The following MGARP variants were observed in gnomAD, a reference collection of about 807,000 sequenced individuals.
The protein encoded by MGARP is mitochondria localized glutamic acid rich protein, also known as protein MGARP.
In MGARP, 12 loss-of-function variants were observed where a neutral mutation model predicts 11.0. The observed-to-expected ratio is 1.09, with a 90% CI of 0.70 to 1.77. The LOEUF is 1.77. Ranked by LOEUF, MGARP falls within the 40% of genes most tolerant of loss-of-function variation. MGARP has a pLI of 0.00. For synonymous variants in MGARP, 110 were observed against 115.4 expected (o/e 0.95, Z 0.30); for missense variants, 283 against 297.8 (o/e 0.95, Z 0.36).
chr4:139,276,116 A>C (rs1031108962), intron 1 of MGARP, among the ~76,000 whole-genome samples: 1 of 152,226 alleles, frequency 6.6e-6, no homozygotes, highest in Non-Finnish European at 1.5e-5. Context: ...CAATAAACTT[A>C]AAGTCGGAAG....
At chr4:139,267,173 A>C in intron 3 of MGARP, 132 bp from the exon 4 acceptor site, 7 of 892,172 alleles carry the variant, frequency 7.8e-6, no homozygotes, top group Non-Finnish European at 1.0e-5. Context: ...GTAGACTCTC[A>C]AGTGAAACAG....
intron 1 of MGARP, among the ~76,000 whole-genome samples, chr4:139,277,686 T>C (rs986265350): frequency 4.6e-5 from 7 of 151,872 alleles, no homozygotes; most frequent in African/African-American, 1.7e-4. Context: ...TTTACTTACA[T>C]GAGAAAATAT....
At chr4:139,277,339 GA>G (rs869225800) in intron 1 of MGARP, among the ~76,000 whole-genome samples, 3 of 152,192 alleles carry the variant, frequency 2.0e-5, no homozygotes, top group East Asian at 1.9e-4. Context: ...CCGTTTCTTG[GA>G]AAAAAATTTT....
Position 139,280,217 on chromosome 4 carries a change from A to G in MGARP, c.-59T>C. The G allele has an allele frequency of 2.7e-6, 4 of 1,497,650 alleles. No individual in the cohort carries two copies. Among genetic ancestry groups the G allele is most frequent in the Non-Finnish European group, 3.6e-6 (4 of 1,112,076 alleles). 92.8% of individuals were successfully genotyped at this position (1,497,650 alleles called of 1,614,324 possible). The stretch of plus-strand genomic sequence containing the variant: ...ACCCAGGCGCAGGCTGCCCTTCCAC[A>G]GAGAGGCTGAGAGCCTGGCAGCGCC... On this transcript the variant is annotated 5_prime_UTR_variant, in exon 1 of 4. Transcript: ENST00000398955.
intron 2 of MGARP, among the ~76,000 whole-genome samples, chr4:139,273,687 G>A (rs1380588101): frequency 6.6e-6 from 1 of 151,438 alleles, no homozygotes; most frequent in Non-Finnish European, 1.5e-5. Flanking sequence ...GCTCATTTTT[G>A]TATTTTAGCA....
chr4:139,279,007 C>T (rs569793379), intron 1 of MGARP, among the ~76,000 whole-genome samples: 29 of 152,172 alleles, frequency 1.9e-4, no homozygotes, highest in Non-Finnish European at 4.0e-4. Flanking sequence ...ACATCTTTCT[C>T]TCCTGCTGGA....
At chr4:139,268,558 T>C in intron 3 of MGARP, 114 bp downstream of exon 3, 2 of 662,192 alleles carry the variant, frequency 3.0e-6, no homozygotes, top group Non-Finnish European at 4.9e-6. Flanking sequence ...AGAGTCATTC[T>C]GGATTAAGCT....
chr4:139,275,494 C>A, intron 1 of MGARP, 102 bp from the exon 2 acceptor site: 2 of 806,356 alleles, frequency 2.5e-6, no homozygotes, highest in Non-Finnish European at 4.0e-6. Context: ...AACCTAGAAT[C>A]TATTAACATC....
chr4:139,275,993 A>G (rs1744863492), intron 1 of MGARP, among the ~76,000 whole-genome samples: 1 of 152,198 alleles, frequency 6.6e-6, no homozygotes, highest in Non-Finnish European at 1.5e-5. Flanking sequence ...TAGAAGTACA[A>G]TTCTGTATAA....
rs1744708024 is a variant in MGARP, at chr4:139,266,951, TC to T, written c.370del (p.Glu124LysfsTer10). ...IVEAEVVDAE[E>X]SPSATVVVIK... ...GACCACAACTGTAGCACTGGGACTT[TC>T]TTCAGCATCTACCACCTCAGCTTCC... is the stretch of plus-strand genomic sequence containing the variant. On this transcript the variant is annotated frameshift_variant, in exon 4 of 4. Transcript: ENST00000398955. LOFTEE classifies it low-confidence loss of function (END_TRUNC). 6.2e-7 allele frequency: 1 copy of T among 1,614,220 alleles called. No homozygotes were observed. The highest frequency in any genetic ancestry group is 8.5e-7 in the Non-Finnish European group (1 of 1,180,028).
intron 2 of MGARP, among the ~76,000 whole-genome samples, chr4:139,273,918 T>G (rs1252984312): frequency 6.6e-6 from 1 of 152,244 alleles, no homozygotes; most frequent in Non-Finnish European, 1.5e-5. Context: ...TCTGTCATTT[T>G]AGTCCCAAAA....
chr4:139,275,393 C>A lies in MGARP; in HGVS notation c.83-1G>T, dbSNP rs867689214. The A allele has an allele frequency of 9.3e-6, 15 of 1,608,226 alleles. No individual in the cohort carries two copies. The highest frequency in any genetic ancestry group is 1.3e-5 in the Non-Finnish European group (15 of 1,177,998). ...TTAGATGACATCCGGCGCAGAGATG[C>A]TAGGAAAAAAATGTTTAAACACAGT... is the stretch of plus-strand genomic sequence containing the variant. On this transcript the variant is annotated splice_acceptor_variant, in intron 1 of 3. Transcript: ENST00000398955. LOFTEE classifies it high-confidence loss of function.
chr4:139,273,791 G>T (rs1454357611), intron 2 of MGARP, among the ~76,000 whole-genome samples: 5 of 152,120 alleles, frequency 3.3e-5, no homozygotes, highest in Non-Finnish European at 5.9e-5. Context: ...TGAGATTACA[G>T]GCGTGAGCCA....
Position 139,266,699 on chromosome 4 carries a change from A to T in MGARP, c.623T>A (p.Leu208Gln). 1 of 1,614,064 alleles carries T rather than the reference A, an allele frequency of 6.2e-7. No individual in the cohort carries two copies. Among genetic ancestry groups the T allele is most frequent in the South Asian group, 1.1e-5 (1 of 91,080 alleles). The change falls in exon 4 of 4, where the codon CTA (leucine) becomes CAA (glutamine). Residue 208 changes from leucine (L) to glutamine (Q), a missense_variant. Physicochemically the swap from Leu to Gln is moderately radical, Grantham distance 113. Coordinates refer to ENST00000398955, the MANE Select transcript of MGARP (RefSeq NM_032623.4). The part of the protein sequence containing the change: ...KNETSDEYAE[L>Q]EEENSPAESE... ...CTCAGCTGGAGAATTTTCTTCTTCT[A>T]GTTCAGCATATTCATCAGAGGTTTC... is the stretch of plus-strand genomic sequence containing the variant.
At position 139,275,335 on chromosome 4, in the gene MGARP, A is replaced by G. The variant is rs773005283; in HGVS notation, c.140T>C (p.Ile47Thr). The change falls in exon 2 of 4, where the codon ATT becomes ACT. Residue 47 changes from isoleucine to threonine, a missense_variant. Physicochemically the swap from Ile to Thr is moderately conservative, Grantham distance 89. Coordinates refer to ENST00000398955, the MANE Select transcript of MGARP (RefSeq NM_032623.4). ...RFPGSSGSNM[I>T]YYLVVGVTVS... ...TGTGACGCCTACAACCAGATAATAA[A>G]TCATATTTGATCCAGATGATCCAGG... The G allele has an allele frequency of 1.8e-5, 29 of 1,613,964 alleles. No individual in the cohort carries two copies. Among genetic ancestry groups the G allele is most frequent in the Non-Finnish European group, 2.3e-5 (27 of 1,179,986 alleles).
chr4:139,269,751 T>C (rs1360503750), intron 2 of MGARP, among the ~76,000 whole-genome samples: 1 of 152,108 alleles, frequency 6.6e-6, no homozygotes, highest in Non-Finnish European at 1.5e-5. Context: ...TTCTTTGGCC[T>C]GTATTCATAT....
In MGARP at chr4:139,276,145, A is replaced by G. The variant is rs143485255; in HGVS notation, c.83-753T>C. Among the ~76,000 whole-genome samples the G allele has an allele frequency of 5.9e-5, 9 of 152,320 alleles. No homozygotes were observed. In the East Asian group the frequency reaches 1.5e-3, roughly 26 times the overall value. ...TCGGAAGGAGCTTAAAGTATATACA[A>G]CTCAAATTCTTTATTTTAAAAATAA... On this transcript the variant is annotated intron_variant, in intron 1 of 3. Transcript: ENST00000398955.
In MGARP at chr4:139,266,961, C is replaced by T. The variant is rs367919742; in HGVS notation, c.361G>A (p.Asp121Asn). The T allele has an allele frequency of 1.3e-5, 21 of 1,614,110 alleles. No homozygotes were observed. In the East Asian group the frequency reaches 3.8e-4, roughly 29 times the overall value. Residue 121 changes from aspartate to asparagine, a missense_variant, in exon 4 of 4, where the codon GAT becomes AAT. Physicochemically the swap from Asp to Asn is conservative, Grantham distance 23 (BLOSUM62 1). Coordinates refer to ENST00000398955, the MANE Select transcript of MGARP (RefSeq NM_032623.4). ...EELIVEAEVVDAEESPSATVV... is the reference protein window; with the variant it reads ...EELIVEAEVVNAEESPSATVV... The stretch of plus-strand genomic sequence containing the variant: ...GTAGCACTGGGACTTTCTTCAGCAT[C>T]TACCACCTCAGCTTCCACTATAAGT...
chr4:139,275,386 A>G lies in MGARP; in HGVS notation c.89T>C (p.Leu30Pro), dbSNP rs1369413695. The G allele has an allele frequency of 6.2e-7, 1 of 1,612,502 alleles. No homozygotes were observed. The highest frequency in any genetic ancestry group is 2.2e-5 in the East Asian group (1 of 44,882). ...GAATCTGTTAGATGACATCCGGCGC[A>G]GAGATGCTAGGAAAAAAATGTTTAA... Reference protein sequence around the residue: ...NPAPLGKDASLRRMSSNRFPG... With the variant: ...NPAPLGKDASPRRMSSNRFPG... The change falls in exon 2 of 4, where the codon CTG becomes CCG. Residue 30 changes from leucine to proline, a missense_variant. Physicochemically the swap from Leu to Pro is moderately conservative, Grantham distance 98 (BLOSUM62 -3). Transcript: ENST00000398955.
Sources: allele counts gnomAD v4.1 joint callset (sites outside exome capture counted in the v4.1 genomes callset), GRCh38; gene constraint gnomAD v4.1.1; transcripts MANE v1.5; gene names NCBI Gene and HGNC (gene_info 2026-07-23, HGNC 2026-07-21).